The following COG5 variants were observed in gnomAD, a reference collection of about 807,000 sequenced individuals.
COG5 encodes conserved oligomeric Golgi complex subunit 5.
Under a neutral mutation model 110.4 loss-of-function variants are expected in COG5, and 86 were observed. The ratio of observed to expected loss-of-function variants is 0.78; its 90% CI spans 0.65 to 0.93. The LOEUF is 0.93. Ranked by LOEUF, COG5 falls within the 40% of genes least tolerant of loss-of-function variation. The pLI, the probability that COG5 is intolerant of heterozygous loss-of-function variation, is 0.00. For synonymous variants in COG5, 360 were observed against 334.6 expected (o/e 1.08, Z -0.83); for missense variants, 1,077 against 987.0 (o/e 1.09, Z -1.22).
At chr7:107,325,231 T>A (rs778872906) in intron 10 of COG5, among the ~76,000 whole-genome samples, 1 of 152,228 alleles carries the variant, frequency 6.6e-6, no homozygotes, top group African/African-American at 2.4e-5. Flanking sequence ...ACTGTTAAAA[T>A]AGAATCACAC....
At chr7:107,219,697 G>C (rs1309648982) in intron 19 of COG5, among the ~76,000 whole-genome samples, 9 of 152,174 alleles carry the variant, frequency 5.9e-5, no homozygotes, top group Non-Finnish European at 1.2e-4. Context: ...GAAATGGGGA[G>C]GTTTTAGTTA....
intron 10 of COG5, among the ~76,000 whole-genome samples, chr7:107,324,777 C>T (rs1809619212): frequency 1.3e-5 from 2 of 152,238 alleles, no homozygotes; most frequent in South Asian, 2.1e-4. Context: ...GTTGCTTAGC[C>T]ATTCAGGGCC....
chr7:107,543,602 C>T (rs1802209020), intron 5 of COG5, among the ~76,000 whole-genome samples: 1 of 152,128 alleles, frequency 6.6e-6, no homozygotes, highest in Admixed American at 6.5e-5. Context: ...TTAGGCTAGC[C>T]CTAGTGCCAG....
intron 7 of COG5, among the ~76,000 whole-genome samples, chr7:107,378,462 TAACA>T (rs1308530162): frequency 6.6e-6 from 1 of 152,030 alleles, no homozygotes; most frequent in Non-Finnish European, 1.5e-5. Context: ...AGGTGGGTAA[TAACA>T]AACTCCTCCG....
chr7:107,226,545 TGG>T (rs1189398984), intron 19 of COG5, among the ~76,000 whole-genome samples: 4 of 152,180 alleles, frequency 2.6e-5, no homozygotes, highest in Non-Finnish European at 5.9e-5. Context: ...ACCCGCCACA[TGG>T]GTAAGCTTTC....
chr7:107,208,561 C>G (rs1798930657), intron 21 of COG5: 1 of 985,348 alleles, frequency 1.0e-6, no homozygotes, highest in South Asian at 4.7e-5. Context: ...AAAAATAATC[C>G]ACACAGACAT....
chr7:107,206,086 G>A (rs970764311), intron 21 of COG5, among the ~76,000 whole-genome samples: 4 of 151,718 alleles, frequency 2.6e-5, no homozygotes, highest in African/African-American at 9.7e-5. Flanking sequence ...TCAGCCTCCC[G>A]AGTAGCTGGG....
intron 19 of COG5, among the ~76,000 whole-genome samples, chr7:107,214,825 A>G (rs775446734): frequency 1.3e-5 from 2 of 151,772 alleles, no homozygotes; most frequent in Non-Finnish European, 2.9e-5. Context: ...AGGAGGCTGA[A>G]TCATGAGAAT....
chr7:107,379,383 C>G (rs542071437), intron 7 of COG5, among the ~76,000 whole-genome samples: 1 of 152,194 alleles, frequency 6.6e-6, no homozygotes, highest in Admixed American at 6.5e-5. Flanking sequence ...AAATAACCAG[C>G]TAGTATCATG....
At chr7:107,554,605 T>G (rs1803164745) in intron 2 of COG5, among the ~76,000 whole-genome samples, 1 of 152,114 alleles carries the variant, frequency 6.6e-6, no homozygotes, top group Admixed American at 6.6e-5. Context: ...CAAAATACCT[T>G]AGACTGAGTA....
chr7:107,414,702 C>CTTTT (rs1563019968), intron 6 of COG5, among the ~76,000 whole-genome samples: 3 of 100,722 alleles, frequency 3.0e-5, no homozygotes, highest in East Asian at 3.0e-4. Flanking sequence ...CCTCACTGTC[C>CTTTT]CTTTTTTTTT....
At chr7:107,263,106 G>A (rs1803503432) in intron 14 of COG5, among the ~76,000 whole-genome samples, 1 of 152,176 alleles carries the variant, frequency 6.6e-6, no homozygotes, top group Non-Finnish European at 1.5e-5. Flanking sequence ...GCTGCCTGGA[G>A]TTACAGAGTA....
intron 5 of COG5, 139 bp from the exon 6 acceptor site, chr7:107,527,496 A>T: frequency 1.2e-6 from 1 of 856,310 alleles, no homozygotes; most frequent in Middle Eastern, 2.7e-4. Flanking sequence ...AAACCTGCAC[A>T]TGTATCCCGG....
At chr7:107,349,406 CT>C (rs938966777) in intron 10 of COG5, among the ~76,000 whole-genome samples, 3 of 149,586 alleles carry the variant, frequency 2.0e-5, no homozygotes, top group South Asian at 2.1e-4. Context: ...TTAAATATGA[CT>C]TTTTTTTTTG....
At chr7:107,279,136 C>A (rs541264072) in intron 14 of COG5, among the ~76,000 whole-genome samples, 105 of 152,224 alleles carry the variant, frequency 6.9e-4, no homozygotes, top group African/African-American at 2.5e-3. Context: ...AGGGTCTGAA[C>A]AGACACTTCT....
At chr7:107,251,429 T>A (rs1334005532) in intron 16 of COG5, among the ~76,000 whole-genome samples, 1 of 152,104 alleles carries the variant, frequency 6.6e-6, no homozygotes, top group African/African-American at 2.4e-5. Flanking sequence ...TTAAAAATCA[T>A]CATTTGGCTG....
chr7:107,231,697 C>CA (rs1195956949), intron 18 of COG5, among the ~76,000 whole-genome samples: 3 of 152,152 alleles, frequency 2.0e-5, no homozygotes, highest in Admixed American at 2.0e-4. Context: ...ATCTCCTTGC[C>CA]ATGGGTACAC....
chr7:107,413,001 G>C (rs985551555), intron 6 of COG5, among the ~76,000 whole-genome samples: 2 of 151,790 alleles, frequency 1.3e-5, no homozygotes, highest in Admixed American at 1.3e-4. Flanking sequence ...TTTTGCTGCT[G>C]CTGTTGTTTT....
intron 10 of COG5, among the ~76,000 whole-genome samples, chr7:107,342,122 G>A (rs1348741437): frequency 6.6e-6 from 1 of 151,922 alleles, no homozygotes; most frequent in African/African-American, 2.4e-5. Context: ...CACAAACTAT[G>A]CATCCAACAA....
Sources: gnomAD v4.1 joint callset for allele counts (sites outside exome capture counted in the v4.1 genomes callset) on GRCh38, gnomAD v4.1.1 for gene constraint, MANE v1.5 for transcripts, NCBI Gene and HGNC (gene_info 2026-07-23, HGNC 2026-07-21) for gene names.